AAK1: variants seen among roughly 807,000 people sequenced by gnomAD.
The protein encoded by AAK1 is AP2 associated kinase 1, also known as AP2-associated protein kinase 1.
AAK1 carries 37 observed loss-of-function variants against 116.0 expected under a neutral mutation model. The ratio of observed to expected loss-of-function variants is 0.32; its 90% confidence interval spans 0.25 to 0.42. The LOEUF (loss-of-function observed/expected upper bound fraction) is 0.42. AAK1 is among the 10% of genes least tolerant of loss of function. AAK1 has a pLI of 1.00. For missense variants in AAK1, 919 were observed against 1,170.6 expected (o/e 0.79, Z 3.14); for synonymous variants, 458 against 439.9 (o/e 1.04, Z -0.51).
intron 2 of AAK1, among the ~76,000 whole-genome samples, chr2:69,565,444 C>A (rs1369495265): frequency 5.3e-5 from 8 of 152,240 alleles, no homozygotes; most frequent in Non-Finnish European, 1.2e-4. Flanking sequence ...TCATGTACTA[C>A]AACCTCCACT....
rs746154277 is a variant in AAK1 at position 69,640,079 on chromosome 2, T to TCTCTCTC, written c.163+2798_163+2799insGAGAGAG. ...CTCTCTCTCTCTCTCTCTCTCTCTC[T>TCTCTCTC]CCCCCCCCACATATATACATATGAT... On this transcript the variant is annotated intron_variant, in intron 2 of 21. Coordinates refer to ENST00000409085, the MANE Select transcript of AAK1 (RefSeq NM_014911.5). 1.2e-4 allele frequency among the ~76,000 whole-genome samples: 17 copies of TCTCTCTC among 136,418 alleles called. No homozygotes were observed. The East Asian group carries it at 2.5e-3, about 20-fold the overall frequency. 89.5% of individuals were successfully genotyped at this position (136,418 alleles called of 152,430 possible).
At chr2:69,491,114 A>AT (rs574666592) in intron 17 of AAK1, among the ~76,000 whole-genome samples, 1,752 of 146,432 alleles carry the variant, frequency 0.012, 35 homozygotes, top group African/African-American at 0.038. Flanking sequence ...TTAAAAAAAA[A>AT]TTTTTTTTTT....
chr2:69,623,188 G>C (rs1674739193), intron 2 of AAK1, among the ~76,000 whole-genome samples: 1 of 152,134 alleles, frequency 6.6e-6, no homozygotes. Flanking sequence ...CCACCAGAAG[G>C]AAGAAACTCT....
chr2:69,603,772 T>C (rs746439508), intron 2 of AAK1, among the ~76,000 whole-genome samples: 3 of 151,686 alleles, frequency 2.0e-5, no homozygotes, highest in Admixed American at 6.6e-5. Context: ...ATCATCTGCT[T>C]TGCAGGCTAC....
At chr2:69,627,550 C>A (rs1409717820) in intron 2 of AAK1, among the ~76,000 whole-genome samples, 1 of 152,158 alleles carries the variant, frequency 6.6e-6, no homozygotes, top group Non-Finnish European at 1.5e-5. Context: ...AAGCCTTAGA[C>A]ACTAAAGAAG....
intron 3 of AAK1, among the ~76,000 whole-genome samples, chr2:69,555,478 C>T (rs1185700505): frequency 6.6e-6 from 1 of 152,210 alleles, no homozygotes; most frequent in South Asian, 2.1e-4. Flanking sequence ...TGAACAGGGG[C>T]AAGCGGAGCC....
intron 2 of AAK1, among the ~76,000 whole-genome samples, chr2:69,608,994 T>C (rs765558987): frequency 8.5e-5 from 13 of 152,238 alleles, no homozygotes; most frequent in Non-Finnish European, 1.2e-4. Flanking sequence ...AGGAGACATC[T>C]TGTGTATGTG....
At chr2:69,540,043 T>C (rs1670639242) in intron 5 of AAK1, among the ~76,000 whole-genome samples, 2 of 151,712 alleles carry the variant, frequency 1.3e-5, no homozygotes, top group African/African-American at 4.9e-5. Flanking sequence ...ATTTGTCCCA[T>C]CCCCACAGAA....
At chr2:69,487,296 G>A (rs998549840) in intron 17 of AAK1, among the ~76,000 whole-genome samples, 1 of 152,186 alleles carries the variant, frequency 6.6e-6, no homozygotes, top group African/African-American at 2.4e-5. Flanking sequence ...TCTGCATCAA[G>A]GGCTGGCCCT....
In AAK1 at chr2:69,636,376, AT is replaced by A. The variant is rs368649339; in HGVS notation, c.163+6501del. 4.1e-4 allele frequency among the ~76,000 whole-genome samples: 63 copies of A among 152,380 alleles called. No homozygotes were observed. In the South Asian group the frequency reaches 0.012, roughly 30 times the overall value. On this transcript the variant is annotated intron_variant, in intron 2 of 21. Coordinates refer to ENST00000409085, the MANE Select transcript of AAK1 (RefSeq NM_014911.5). ...GAGATTATTTAAAATATAGATTTGC[AT>A]CCACTATCATTTATGATGAACTTCA...
intron 3 of AAK1, among the ~76,000 whole-genome samples, chr2:69,555,549 G>A (rs191399471): frequency 0.013 from 1,915 of 152,270 alleles, 21 homozygotes; most frequent in Non-Finnish European, 0.02. Context: ...TCTTTAAAAA[G>A]CATTAAAATC....
rs749625407 is a variant in AAK1, at chr2:69,514,615, CTGTTGCTGT to C, written c.1623_1631del (p.Gln544_Gln546del). The C allele has an allele frequency of 1.4e-5, 22 of 1,587,492 alleles. No individual in the cohort carries two copies. The highest frequency in any genetic ancestry group is 1.8e-5 in the Admixed American group (1 of 55,478). ...GATGCAGGGCTGTGGCCAGCTGTTG[CTGTTGCTGT>C]TGTTGTTGCTGCTGCTGCTGCTGCT... On this transcript the variant is annotated inframe_deletion, in exon 13 of 22. Coordinates refer to ENST00000409085, the MANE Select transcript of AAK1 (RefSeq NM_014911.5).
intron 2 of AAK1, among the ~76,000 whole-genome samples, chr2:69,589,578 G>C (rs755763374): frequency 6.6e-6 from 1 of 151,842 alleles, no homozygotes; most frequent in African/African-American, 2.4e-5. Flanking sequence ...GCTTGATGGC[G>C]CATGCCTGTA....
At chr2:69,612,627 CT>C (rs1462463104) in intron 2 of AAK1, among the ~76,000 whole-genome samples, 2 of 152,210 alleles carry the variant, frequency 1.3e-5, no homozygotes, top group African/African-American at 4.8e-5. Context: ...AGCATCTTCT[CT>C]ATGGTCCTTG....
intron 17 of AAK1, among the ~76,000 whole-genome samples, chr2:69,493,011 C>G (rs994773572): frequency 6.6e-6 from 1 of 151,546 alleles, no homozygotes; most frequent in African/African-American, 2.4e-5. Flanking sequence ...ACCCTGAGCC[C>G]TTTCCTCACT....
intron 2 of AAK1, among the ~76,000 whole-genome samples, chr2:69,637,949 TGAAA>T (rs1270980311): frequency 5.9e-5 from 9 of 152,216 alleles, no homozygotes; most frequent in Admixed American, 4.6e-4. Context: ...TTAGAAAGAC[TGAAA>T]GAAAGAGTTT....
In AAK1 at chr2:69,568,006, C is replaced by T. The variant is rs145245163; in HGVS notation, c.164-11028G>A. ...AATTGTGCTCATCCCTCTAATCCAC[C>T]GGGGCCACAATCTCCTAGTAAGTGA... On this transcript the variant is annotated intron_variant, in intron 2 of 21. Coordinates refer to ENST00000409085, the MANE Select transcript of AAK1 (RefSeq NM_014911.5). Among the ~76,000 whole-genome samples the T allele has an allele frequency of 5.1e-3, 776 of 152,288 alleles. 8 individuals are homozygous for T. The highest frequency in any genetic ancestry group is 0.018 in the African/African-American group (735 of 41,552).
At chr2:69,558,502 G>A (rs1671487650) in intron 2 of AAK1, among the ~76,000 whole-genome samples, 1 of 152,192 alleles carries the variant, frequency 6.6e-6, no homozygotes, top group Non-Finnish European at 1.5e-5. Context: ...TAGACAAAGT[G>A]AGGCAAAGCT....
intron 2 of AAK1, among the ~76,000 whole-genome samples, chr2:69,638,409 T>C (rs1675544047): frequency 6.6e-6 from 1 of 152,194 alleles, no homozygotes; most frequent in Non-Finnish European, 1.5e-5. Flanking sequence ...AGACACTCGC[T>C]GCTCCCTTTC....
Sources: allele counts gnomAD v4.1 joint callset (sites outside exome capture counted in the v4.1 genomes callset), GRCh38; gene constraint gnomAD v4.1.1; transcripts MANE v1.5; gene names NCBI Gene and HGNC (gene_info 2026-07-23, HGNC 2026-07-21).